PHACTR3: variants seen among roughly 807,000 people sequenced by gnomAD.
The protein encoded by PHACTR3 is phosphatase and actin regulator 3, also known as protein phosphatase 1, regulatory subunit 123.
PHACTR3 carries 16 observed loss-of-function variants against 66.8 expected under a neutral mutation model. The observed-to-expected ratio is 0.24, with a 90% CI of 0.16 to 0.36. The LOEUF (loss-of-function observed/expected upper bound fraction) is 0.36. PHACTR3 is among the 10% of genes least tolerant of loss of function. PHACTR3 has a pLI of 1.00. For missense variants in PHACTR3, 647 were observed against 719.9 expected, an observed-to-expected ratio of 0.90 and a Z score of 1.16; for synonymous variants, 323 against 292.1, an observed-to-expected ratio of 1.11 and a Z score of -1.08.
At chr20:59,807,602 G>A (rs911017710) in intron 8 of PHACTR3, among the ~76,000 whole-genome samples, 1 of 152,168 alleles carries the variant, frequency 6.6e-6, no homozygotes, top group Non-Finnish European at 1.5e-5. Flanking sequence ...CACGTGTGAT[G>A]TACTGCACGG....
intron 1 of PHACTR3, among the ~76,000 whole-genome samples, chr20:59,630,192 CT>C (rs1214662233): frequency 6.6e-6 from 1 of 151,820 alleles, no homozygotes; most frequent in African/African-American, 2.4e-5. Context: ...TTTCTTTTTT[CT>C]TTTTTTTGAG....
At chr20:59,755,488 CG>C in intron 4 of PHACTR3, 124 bp downstream of exon 4, 3 of 1,156,246 alleles carry the variant, frequency 2.6e-6, no homozygotes, top group Non-Finnish European at 3.6e-6. Context: ...GAGCTGGGCC[CG>C]TGCTCTAAGC....
intron 1 of PHACTR3, among the ~76,000 whole-genome samples, chr20:59,703,238 G>C (rs1322652960): frequency 1.3e-5 from 2 of 152,150 alleles, no homozygotes; most frequent in Non-Finnish European, 2.9e-5. Flanking sequence ...GTTAGGGATG[G>C]TTTAAAGGTA....
At chr20:59,632,246 C>T (rs1483087371) in intron 1 of PHACTR3, among the ~76,000 whole-genome samples, 1 of 152,150 alleles carries the variant, frequency 6.6e-6, no homozygotes, top group African/African-American at 2.4e-5. Context: ...CCTAGTAGCC[C>T]ACTCCTGTTC....
Position 59,830,450 on chromosome 20 carries a change from G to A in PHACTR3, c.1329-6055G>A, listed in dbSNP as rs2042332549. ...AGGAATGTGTGGGCATCTGATGGAG[G>A]AAGATGTGAACATCTGATGGAGGTG... On this transcript the variant is annotated intron_variant, in intron 8 of 12. Coordinates refer to ENST00000371015, the MANE Select transcript of PHACTR3 (RefSeq NM_080672.5). This position sits in a 1 kb window ranked among gnomAD's most constrained non-coding sequence, Gnocchi z 5.8. 6.6e-6 allele frequency among the ~76,000 whole-genome samples: 1 copy of A among 152,170 alleles called. No homozygotes were observed. The highest frequency in any genetic ancestry group is 2.1e-4 in the South Asian group (1 of 4,830).
In PHACTR3 at chr20:59,695,977, C is replaced by T. The variant is rs530627956; in HGVS notation, c.119-47130C>T. Among the ~76,000 whole-genome samples, 19 of 152,242 alleles carry T rather than the reference C, an allele frequency of 1.2e-4. No individual in the cohort carries two copies. The South Asian group carries it at 3.9e-3, about 32-fold the overall frequency. ...CAAACTCCTGACCTCAAGTGATCCA[C>T]CCACCTCTGCCTCCCAAAGTGCTGG... On this transcript the variant is annotated intron_variant, in intron 1 of 12. Transcript: ENST00000371015.
intron 7 of PHACTR3, among the ~76,000 whole-genome samples, chr20:59,778,438 C>T (rs1253144450): frequency 6.6e-6 from 1 of 152,120 alleles, no homozygotes; most frequent in African/African-American, 2.4e-5. Flanking sequence ...TCTTGCTGTC[C>T]CTGGAGGTGT....
At position 59,845,174 on chromosome 20, in the gene PHACTR3, G is replaced by T; in HGVS notation, c.1588-15G>T. Reference sequence around the variant, plus strand: ...TTAATATCCTGTAAAACAATGTCTTGTTTTTAAATTTCAGGCAGCAATTCG... The same window carrying T: ...TTAATATCCTGTAAAACAATGTCTTTTTTTTAAATTTCAGGCAGCAATTCG... On this transcript the variant is annotated splice_polypyrimidine_tract_variant and intron_variant, in intron 11 of 12. Transcript: ENST00000371015. The T allele has an allele frequency of 6.5e-7, 1 of 1,529,774 alleles. No individual in the cohort carries two copies. The highest frequency in any genetic ancestry group is 9.0e-7 in the Non-Finnish European group (1 of 1,106,792). The allele number at this position is 1,529,774 out of a possible 1,614,324, so 94.8% of individuals were successfully genotyped here.
At chr20:59,761,826 G>A (rs1443220807) in intron 4 of PHACTR3, among the ~76,000 whole-genome samples, 6 of 152,208 alleles carry the variant, frequency 3.9e-5, no homozygotes, top group African/African-American at 1.4e-4. Flanking sequence ...CTGCATTGGG[G>A]TTTGTACAGT....
chr20:59,757,280 C>A (rs1396538081), intron 4 of PHACTR3, among the ~76,000 whole-genome samples: 1 of 152,246 alleles, frequency 6.6e-6, no homozygotes, highest in Non-Finnish European at 1.5e-5. Context: ...GCCTGCTCCC[C>A]TCAGTGCCCT....
chr20:59,837,988 G>A (rs534558996), intron 9 of PHACTR3, among the ~76,000 whole-genome samples: 11 of 152,302 alleles, frequency 7.2e-5, no homozygotes, highest in African/African-American at 2.6e-4. Context: ...CTTAGAAATA[G>A]AACTATCTTT....
chr20:59,677,969 C>T (rs534662964), intron 1 of PHACTR3, among the ~76,000 whole-genome samples: 4 of 152,212 alleles, frequency 2.6e-5, no homozygotes, highest in East Asian at 1.9e-4. Context: ...GGAAGCATTC[C>T]CAATAAGATG....
chr20:59,623,100 A>T (rs1309345469), intron 1 of PHACTR3, among the ~76,000 whole-genome samples: 2 of 151,852 alleles, frequency 1.3e-5, no homozygotes, highest in Non-Finnish European at 2.9e-5. Context: ...AGGGAAGGGA[A>T]AATAAATGTT....
chr20:59,753,354 A>G (rs1239213712), intron 3 of PHACTR3, among the ~76,000 whole-genome samples: 1 of 152,136 alleles, frequency 6.6e-6, no homozygotes, highest in Non-Finnish European at 1.5e-5. Context: ...TTCTCCCCGG[A>G]GGAGACGTGT....
At chr20:59,646,446 A>G (rs374666279) in intron 1 of PHACTR3, among the ~76,000 whole-genome samples, 1 of 152,046 alleles carries the variant, frequency 6.6e-6, no homozygotes, top group Non-Finnish European at 1.5e-5. Flanking sequence ...CCTTTTTTTT[A>G]AAATCAGTTT....
intron 10 of PHACTR3, among the ~76,000 whole-genome samples, chr20:59,840,732 TAC>T (rs2059043288): frequency 1.3e-5 from 2 of 152,230 alleles, no homozygotes; most frequent in African/African-American, 2.4e-5. Flanking sequence ...TTTCTTAATT[TAC>T]AGTGTCTAGG....
chr20:59,654,256 CTGTTT>C (rs548676629), intron 1 of PHACTR3, among the ~76,000 whole-genome samples: 1 of 152,140 alleles, frequency 6.6e-6, no homozygotes, highest in Non-Finnish European at 1.5e-5. Context: ...TTCTGCCTTC[CTGTTT>C]TATTTATATT....
At chr20:59,743,036 TC>T in intron 1 of PHACTR3, 70 bp from the exon 2 acceptor site, 1 of 1,533,650 alleles carries the variant, frequency 6.5e-7, no homozygotes, top group Non-Finnish European at 8.8e-7. Context: ...TGAGAGGTCA[TC>T]ACCTTGGGCC....
At chr20:59,577,521 G>A in exon 1 of PHACTR3, 1 of 1,144,162 alleles carries the variant, frequency 8.7e-7, no homozygotes, top group Non-Finnish European at 1.1e-6. Context: ...GCGTGGCCGT[G>A]GCGGGGGGCG....
Sources: gnomAD v4.1 joint callset for allele counts (sites outside exome capture counted in the v4.1 genomes callset) on GRCh38, gnomAD v4.1.1 for gene constraint, Gnocchi (gnomAD v3.1) non-coding constraint, MANE v1.5 for transcripts, NCBI Gene and HGNC (gene_info 2026-07-23, HGNC 2026-07-21) for gene names.